NGF: variants seen among roughly 807,000 people sequenced by gnomAD.
NGF encodes the protein nerve growth factor, also known as beta-nerve growth factor.
A neutral mutation model predicts 12.8 loss-of-function variants in NGF; 4 were observed. That is an observed-to-expected ratio of 0.31 (90% CI 0.15 to 0.72). The LOEUF (loss-of-function observed/expected upper bound fraction) is 0.72, where lower values mean the gene tolerates loss of function less well. Ranked by LOEUF, NGF falls within the 30% of genes least tolerant of loss-of-function variation. The pLI is 0.69. For missense variants in NGF, 283 were observed against 330.8 expected (o/e 0.86, Z 1.12); for synonymous variants, 140 against 130.0 (o/e 1.08, Z -0.52).
At chr1:115,308,510 G>A (rs1339100652) in intron 1 of NGF, among the ~76,000 whole-genome samples, 1 of 152,222 alleles carries the variant, frequency 6.6e-6, no homozygotes, top group Admixed American at 6.5e-5. Context: ...AGAACTGGAA[G>A]AGAGGCAAGT....
intron 1 of NGF, among the ~76,000 whole-genome samples, chr1:115,295,218 G>A (rs1227209637): frequency 6.6e-6 from 1 of 152,086 alleles, no homozygotes; most frequent in Non-Finnish European, 1.5e-5. Context: ...AGGTAGCAAG[G>A]ACCTCTAAAG....
At chr1:115,337,697 G>A (rs1054246158) in intron 1 of NGF, among the ~76,000 whole-genome samples, 1 of 152,030 alleles carries the variant, frequency 6.6e-6, no homozygotes, top group African/African-American at 2.4e-5. Flanking sequence ...GCCCCGTTCC[G>A]CTCCTCCCCC....
intron 1 of NGF, among the ~76,000 whole-genome samples, chr1:115,308,301 A>G (rs1157936567): frequency 6.6e-6 from 1 of 152,224 alleles, no homozygotes; most frequent in Non-Finnish European, 1.5e-5. Flanking sequence ...GATGAAGGCT[A>G]TAGGCTCTGC....
intron 1 of NGF, among the ~76,000 whole-genome samples, chr1:115,304,318 A>G (rs2101035726): frequency 1.7e-5 from 1 of 57,490 alleles, no homozygotes; most frequent in Non-Finnish European, 4.8e-5. Context: ...GCGCACCACC[A>G]TGCTTGGCTA....
intron 1 of NGF, among the ~76,000 whole-genome samples, chr1:115,313,078 C>A (rs1309716038): frequency 6.6e-6 from 1 of 152,118 alleles, no homozygotes; most frequent in Non-Finnish European, 1.5e-5. Flanking sequence ...TATAATAGAG[C>A]CCATAAAACT....
At chr1:115,309,747 A>T (rs1019307292) in intron 1 of NGF, among the ~76,000 whole-genome samples, 2 of 152,220 alleles carry the variant, frequency 1.3e-5, no homozygotes, top group South Asian at 4.1e-4. Flanking sequence ...GGATGAGTTC[A>T]TGTTCCTTTG....
In NGF at chr1:115,286,085, A is replaced by C; in HGVS notation, c.711T>G (p.Ala237=). Residue 237 remains alanine (A), a synonymous_variant, in exon 3 of 3, where the codon GCT becomes GCG. Coordinates refer to ENST00000369512, the MANE Select transcript of NGF (RefSeq NM_002506.3). ...TGTCGGCAGGTCAGGCTCTTCTCAC[A>C]GCCTTCCTGCTGAGCACACACACAC... ...TACVCVLSRK[A]VRRA The C allele has an allele frequency of 6.2e-7, 1 of 1,613,346 alleles. No individual in the cohort carries two copies. Among genetic ancestry groups the C allele is most frequent in the Non-Finnish European group, 8.5e-7 (1 of 1,179,698 alleles).
At chr1:115,333,706 TTTCTTTCTTTTC>T (rs1557949297) in intron 1 of NGF, among the ~76,000 whole-genome samples, 1 of 52,928 alleles carries the variant, frequency 1.9e-5, no homozygotes, top group Non-Finnish European at 3.3e-5. Context: ...TCTTTCTTTC[TTTCTTTCTTTTC>T]TTTCTTTCCT....
chr1:115,332,592 A>G (rs1654951727), intron 1 of NGF, among the ~76,000 whole-genome samples: 1 of 152,140 alleles, frequency 6.6e-6, no homozygotes, highest in Admixed American at 6.5e-5. Flanking sequence ...GAGGAAGCTC[A>G]TGTTCGTTGG....
At chr1:115,303,484 A>G (rs1288136861) in intron 1 of NGF, among the ~76,000 whole-genome samples, 3 of 151,352 alleles carry the variant, frequency 2.0e-5, no homozygotes, top group Admixed American at 1.3e-4. Flanking sequence ...CATCATCACC[A>G]CTACTTTCTC....
chr1:115,286,046 AG>A lies in NGF; in HGVS notation c.*23del. On this transcript the variant is annotated 3_prime_UTR_variant, in exon 3 of 3. Coordinates refer to ENST00000369512, the MANE Select transcript of NGF (RefSeq NM_002506.3). The stretch of plus-strand genomic sequence containing the variant: ...GGGCCCAGGAGAGTGTAGAAGGGGC[AG>A]GGGGAGGGAGCGTGTCGGCAGGTCA... 6.2e-7 allele frequency: 1 copy of A among 1,611,930 alleles called. No homozygotes were observed. The highest frequency in any genetic ancestry group is 8.5e-7 in the Non-Finnish European group (1 of 1,179,252).
intron 1 of NGF, among the ~76,000 whole-genome samples, chr1:115,300,084 G>A (rs1223922476): frequency 6.6e-6 from 1 of 152,164 alleles, no homozygotes; most frequent in Non-Finnish European, 1.5e-5. Flanking sequence ...TATTCTATTT[G>A]CTTTATAGGA....
rs781065610 is a variant in NGF, at chr1:115,286,799, G to C, written c.-4C>G. The C allele has an allele frequency of 6.2e-7, 1 of 1,614,090 alleles. No individual in the cohort carries two copies. The highest frequency in any genetic ancestry group is 1.1e-5 in the South Asian group (1 of 91,076). Reference sequence around the variant, plus strand: ...GAGTGTAGAACAACATGGACATTACGCTATGCACCTGGAATGAAAAAGAAA... The same window carrying C: ...GAGTGTAGAACAACATGGACATTACCCTATGCACCTGGAATGAAAAAGAAA... On this transcript the variant is annotated 5_prime_UTR_variant, in exon 3 of 3. Transcript: ENST00000369512.
In NGF at chr1:115,286,262, C is replaced by G; in HGVS notation, c.534G>C (p.Lys178Asn). Residue 178 changes from lysine to asparagine, a missense_variant, in exon 3 of 3, where the codon AAG (lysine) becomes AAC (asparagine). Transcript: ENST00000369512. ...SVFKQYFFET[K>N]CRDPNPVDSG... ...TGTCAACGGGATTTGGGTCCCGGCACTTGGTCTCAAAAAAGTACTGTTTGA... is the reference window on the plus strand; with the variant it reads ...TGTCAACGGGATTTGGGTCCCGGCAGTTGGTCTCAAAAAAGTACTGTTTGA... The G allele has an allele frequency of 1.9e-6, 3 of 1,614,210 alleles. No individual in the cohort carries two copies. Among genetic ancestry groups the G allele is most frequent in the East Asian group, 2.2e-5 (1 of 44,876 alleles).
At chr1:115,317,193 C>T (rs919511849) in intron 1 of NGF, among the ~76,000 whole-genome samples, 5 of 151,900 alleles carry the variant, frequency 3.3e-5, no homozygotes, top group East Asian at 1.9e-4. Context: ...ATGGCGCTTG[C>T]GTGGAGCCAC....
chr1:115,299,045 G>A (rs1653957040), intron 1 of NGF, among the ~76,000 whole-genome samples: 1 of 152,098 alleles, frequency 6.6e-6, no homozygotes, highest in South Asian at 2.1e-4. Flanking sequence ...TATAATATGA[G>A]GTTTGCTGAG....
intron 1 of NGF, among the ~76,000 whole-genome samples, chr1:115,314,515 G>C (rs1571087594): frequency 6.6e-6 from 1 of 152,210 alleles, no homozygotes; most frequent in Admixed American, 6.5e-5. Context: ...TCTGTGGCTA[G>C]TGCTTGGTAA....
At chr1:115,334,735 A>G (rs1225483159) in intron 1 of NGF, among the ~76,000 whole-genome samples, 3 of 152,196 alleles carry the variant, frequency 2.0e-5, no homozygotes, top group African/African-American at 2.4e-5. Context: ...GGTTGTCACT[A>G]TGACTTCTGA....
intron 1 of NGF, among the ~76,000 whole-genome samples, chr1:115,310,904 G>GGGAGGA (rs1315880228): frequency 6.6e-6 from 1 of 152,040 alleles, no homozygotes; most frequent in Non-Finnish European, 1.5e-5. Flanking sequence ...CAGGCGGAGT[G>GGGAGGA]GGAGGAGGAG....
Sources: allele counts gnomAD v4.1 joint callset (sites outside exome capture counted in the v4.1 genomes callset), GRCh38; gene constraint gnomAD v4.1.1; transcripts MANE v1.5; gene names NCBI Gene and HGNC (gene_info 2026-07-23, HGNC 2026-07-21).